The following ST3GAL3 variants were observed in gnomAD, a reference collection of about 807,000 sequenced individuals.
The protein encoded by ST3GAL3 is ST3 beta-galactoside alpha-2,3-sialyltransferase 3.
Under a neutral mutation model 50.1 loss-of-function variants are expected in ST3GAL3, and 21 were observed. The ratio of observed to expected loss-of-function variants is 0.42; its 90% CI spans 0.30 to 0.60. The LOEUF is 0.60. ST3GAL3 is among the 20% of genes least tolerant of loss of function. The pLI is 0.19. For missense variants in ST3GAL3, 353 were observed against 489.4 expected, an observed-to-expected ratio of 0.72 and a Z score of 2.63; for synonymous variants, 183 against 190.0, an observed-to-expected ratio of 0.96 and a Z score of 0.30.
chr1:43,894,570 C>A, intron 6 of ST3GAL3, 93 bp downstream of exon 6: 3 of 1,116,396 alleles, frequency 2.7e-6, no homozygotes, highest in Non-Finnish European at 4.1e-6. Flanking sequence ...AGTCCCCATG[C>A]TGAGAATCCA....
intron 10 of ST3GAL3, 36 bp from the exon 11 acceptor site, chr1:43,920,746 T>G: frequency 6.2e-7 from 1 of 1,614,166 alleles, no homozygotes; most frequent in South Asian, 1.1e-5. Context: ...AGCTGAACTC[T>G]GCATGCCTTC....
intron 2 of ST3GAL3, among the ~76,000 whole-genome samples, chr1:43,759,065 G>GCGCACACA (rs60386464): frequency 0.024 from 1,772 of 75,388 alleles, 40 homozygotes; most frequent in African/African-American, 0.056. Flanking sequence ...AAAAGCGCGC[G>GCGCACACA]CACACACACA....
At chr1:43,921,337 C>T (rs1334600461) in intron 11 of ST3GAL3, 4 of 476,474 alleles carry the variant, frequency 8.4e-6, no homozygotes, top group Non-Finnish European at 1.5e-5. Context: ...CAGCCAAGCA[C>T]TGCAGCTCTT....
chr1:43,864,613 G>A (rs1173496639), intron 5 of ST3GAL3, among the ~76,000 whole-genome samples: 1 of 152,196 alleles, frequency 6.6e-6, no homozygotes, highest in Non-Finnish European at 1.5e-5. Flanking sequence ...TTCAAAGCAG[G>A]GAGGGAAGGA....
At chr1:43,771,193 TA>T (rs1456186706) in intron 2 of ST3GAL3, among the ~76,000 whole-genome samples, 1 of 152,244 alleles carries the variant, frequency 6.6e-6, no homozygotes, top group African/African-American at 2.4e-5. Context: ...TATTGACATG[TA>T]AATGAAAACT....
chr1:43,920,367 T>C (rs1397259867), intron 9 of ST3GAL3, 37 bp from the exon 10 acceptor site: 2 of 1,614,016 alleles, frequency 1.2e-6, no homozygotes, highest in Admixed American at 1.7e-5. Context: ...TCCCTTGCTG[T>C]GTGCCTCGTT....
intron 5 of ST3GAL3, among the ~76,000 whole-genome samples, chr1:43,852,615 T>G (rs1348355908): frequency 6.6e-6 from 1 of 152,222 alleles, no homozygotes; most frequent in Admixed American, 6.5e-5. Context: ...CTCCAGAGAT[T>G]GAGAGTGTAA....
At chr1:43,727,770 T>C (rs1673643863) in intron 1 of ST3GAL3, among the ~76,000 whole-genome samples, 1 of 152,240 alleles carries the variant, frequency 6.6e-6, no homozygotes, top group South Asian at 2.1e-4. Context: ...TTCTGGGTTT[T>C]AGGTGTCTCA....
intron 9 of ST3GAL3, among the ~76,000 whole-genome samples, chr1:43,907,099 A>G (rs1054550203): frequency 2.0e-5 from 3 of 152,178 alleles, no homozygotes; most frequent in East Asian, 1.9e-4. Flanking sequence ...TGTGGTTTAT[A>G]TGCATCATCT....
At chr1:43,852,761 C>G (rs2067575788) in intron 5 of ST3GAL3, among the ~76,000 whole-genome samples, 2 of 152,220 alleles carry the variant, frequency 1.3e-5, no homozygotes, top group South Asian at 4.1e-4. Flanking sequence ...TCACAGCTTT[C>G]TCACTTCACA....
intron 4 of ST3GAL3, among the ~76,000 whole-genome samples, chr1:43,816,239 A>G (rs2061233385): frequency 6.6e-6 from 1 of 152,182 alleles, no homozygotes; most frequent in Non-Finnish European, 1.5e-5. Context: ...TACGTACAAG[A>G]CATCAAACCA....
intron 5 of ST3GAL3, among the ~76,000 whole-genome samples, chr1:43,859,754 A>G (rs1179074654): frequency 6.6e-6 from 1 of 152,146 alleles, no homozygotes; most frequent in Non-Finnish European, 1.5e-5. Context: ...GAGCTCAGAA[A>G]CCAGCTCTGA....
At chr1:43,779,271 A>G (rs1329414738) in intron 2 of ST3GAL3, among the ~76,000 whole-genome samples, 1 of 152,118 alleles carries the variant, frequency 6.6e-6, no homozygotes, top group Non-Finnish European at 1.5e-5. Flanking sequence ...CATTGGCCCT[A>G]TTGGTAGGTA....
intron 5 of ST3GAL3, among the ~76,000 whole-genome samples, chr1:43,868,642 C>T (rs141231791): frequency 4.3e-4 from 65 of 152,270 alleles, no homozygotes; most frequent in African/African-American, 1.5e-3. Context: ...CTTGAGTCTA[C>T]ATATCTCTTC....
At chr1:43,799,500 T>C (rs950598444) in intron 3 of ST3GAL3, 4 of 152,180 alleles carry the variant, frequency 2.6e-5, no homozygotes, top group Non-Finnish European at 5.9e-5. Context: ...CCATTCCTCA[T>C]AGATGGAACC....
At chr1:43,720,187 A>T (rs959119376) in intron 1 of ST3GAL3, among the ~76,000 whole-genome samples, 4 of 151,528 alleles carry the variant, frequency 2.6e-5, no homozygotes, top group Non-Finnish European at 4.4e-5. Flanking sequence ...CAAGGTCATG[A>T]CACTGCACTC....
intron 5 of ST3GAL3, among the ~76,000 whole-genome samples, chr1:43,880,651 A>G (rs2074958373): frequency 6.6e-6 from 1 of 152,010 alleles, no homozygotes; most frequent in African/African-American, 2.4e-5. Context: ...CTCTTTAGAA[A>G]TTGTCTGATC....
intron 5 of ST3GAL3, among the ~76,000 whole-genome samples, chr1:43,867,762 A>G (rs944249693): frequency 6.6e-6 from 1 of 152,194 alleles, no homozygotes; most frequent in African/African-American, 2.4e-5. Context: ...TATTTACCGT[A>G]CCTTCTTGGC....
At chr1:43,741,589 G>A (rs963229365) in intron 2 of ST3GAL3, among the ~76,000 whole-genome samples, 5 of 152,270 alleles carry the variant, frequency 3.3e-5, no homozygotes, top group Admixed American at 6.5e-5. Flanking sequence ...TTAACTCTTA[G>A]TTTTCTGTCT....
Sources: allele counts gnomAD v4.1 joint callset (sites outside exome capture counted in the v4.1 genomes callset), GRCh38; gene constraint gnomAD v4.1.1; transcripts MANE v1.5; gene names NCBI Gene and HGNC (gene_info 2026-07-23, HGNC 2026-07-21).